The following DOCK5 variants were observed in gnomAD, a reference collection of about 807,000 sequenced individuals.
DOCK5 encodes dedicator of cytokinesis 5, also known as dedicator of cytokinesis protein 5.
In DOCK5, 142 loss-of-function variants were observed where a neutral mutation model predicts 251.8. That is an observed-to-expected ratio of 0.56 (90% confidence interval 0.49 to 0.65). The LOEUF is 0.65. Among genes scored for constraint, DOCK5 ranks in the 30% least tolerant of loss-of-function variants. The pLI, the probability that DOCK5 is intolerant of heterozygous loss-of-function variation, is 0.00. For missense variants in DOCK5, 2,111 were observed against 2,312.3 expected (o/e 0.91, Z 1.79); for synonymous variants, 842 against 835.5 (o/e 1.01, Z -0.13).
intron 1 of DOCK5, among the ~76,000 whole-genome samples, chr8:25,197,839 C>T (rs1801774022): frequency 1.3e-5 from 2 of 151,332 alleles, no homozygotes; most frequent in South Asian, 4.2e-4. Context: ...CAAGCTCAGC[C>T]TCCCTGTTTC....
chr8:25,258,321 C>G (rs745971053), intron 2 of DOCK5, among the ~76,000 whole-genome samples: 1 of 151,970 alleles, frequency 6.6e-6, no homozygotes, highest in Non-Finnish European at 1.5e-5. Context: ...CAGAATAAAC[C>G]TTCTTGGCAT....
chr8:25,365,935 G>T (rs1396877725), intron 30 of DOCK5, among the ~76,000 whole-genome samples: 1 of 152,198 alleles, frequency 6.6e-6, no homozygotes, highest in Non-Finnish European at 1.5e-5. Flanking sequence ...TATATTGTAT[G>T]TATGTGTATG....
intron 43 of DOCK5, among the ~76,000 whole-genome samples, chr8:25,392,402 A>G (rs1801277004): frequency 6.6e-6 from 1 of 152,138 alleles, no homozygotes; most frequent in Admixed American, 6.5e-5. Flanking sequence ...CCCTGGGAAC[A>G]GAGACTTCAC....
intron 38 of DOCK5, among the ~76,000 whole-genome samples, chr8:25,377,980 G>A (rs1464025197): frequency 1.3e-5 from 2 of 151,818 alleles, no homozygotes; most frequent in Non-Finnish European, 2.9e-5. Flanking sequence ...AGAACTCCTG[G>A]GCTCCAGTGA....
chr8:25,322,354 C>T (rs1262060097), intron 16 of DOCK5, among the ~76,000 whole-genome samples: 1 of 152,198 alleles, frequency 6.6e-6, no homozygotes, highest in African/African-American at 2.4e-5. Flanking sequence ...ATGCATATGA[C>T]CTCCTACATC....
chr8:25,276,916 A>G (rs1804054390), intron 4 of DOCK5: 2 of 152,196 alleles, frequency 1.3e-5, no homozygotes, highest in South Asian at 2.1e-4. Context: ...CCCGTGCCTC[A>G]GGGAGGAGAG....
At chr8:25,388,931 T>A (rs1377408787) in intron 40 of DOCK5, 160 bp from the exon 41 acceptor site, 1 of 639,672 alleles carries the variant, frequency 1.6e-6, no homozygotes, top group Non-Finnish European at 2.7e-6. Context: ...TTGTAGGATA[T>A]GATGGTCGCT....
intron 4 of DOCK5, among the ~76,000 whole-genome samples, chr8:25,276,706 A>G (rs1044486316): frequency 1.3e-5 from 2 of 152,112 alleles, no homozygotes; most frequent in Non-Finnish European, 2.9e-5. Flanking sequence ...TTTATTTTGT[A>G]TGAACTTGAT....
intron 5 of DOCK5, among the ~76,000 whole-genome samples, chr8:25,281,801 C>T (rs985629652): frequency 6.7e-6 from 1 of 150,294 alleles, no homozygotes; most frequent in South Asian, 2.1e-4. Flanking sequence ...ATCACTTGAA[C>T]CCGAGAGGCG....
chr8:25,281,006 G>T, intron 5 of DOCK5, among the ~76,000 whole-genome samples: 1 of 150,940 alleles, frequency 6.6e-6, no homozygotes. Context: ...GTATGAGACT[G>T]GAGAGTATGA....
chr8:25,195,495 GC>G (rs1211909468), intron 1 of DOCK5, among the ~76,000 whole-genome samples: 39 of 152,042 alleles, frequency 2.6e-4, no homozygotes, highest in African/African-American at 8.7e-4. Flanking sequence ...TGCCCTCCCG[GC>G]CCTGTGGGAT....
chr8:25,344,934 G>A (rs1464685168), intron 25 of DOCK5, among the ~76,000 whole-genome samples: 1 of 152,102 alleles, frequency 6.6e-6, no homozygotes, highest in Non-Finnish European at 1.5e-5. Flanking sequence ...TGTTACAATA[G>A]CAAAGATCTC....
In DOCK5 at chr8:25,317,121, A is replaced by C. The variant is rs779753262; in HGVS notation, c.1433A>C (p.Lys478Thr). Reference protein sequence around the residue: ...VTMSVHDEEGKLLEKAIHPGA... With the variant: ...VTMSVHDEEGTLLEKAIHPGA... ...ATGTCTGTGCACGATGAGGAGGGCA[A>C]GCTCTTGGAGGTGCGCGGCATGGCC... is the stretch of plus-strand genomic sequence containing the variant. Residue 478 changes from lysine to threonine, a missense_variant, in exon 14 of 52, where the codon AAG (lysine) becomes ACG (threonine). Physicochemically the swap from Lys to Thr is moderately conservative, Grantham distance 78 (BLOSUM62 -1). Coordinates refer to ENST00000276440, the MANE Select transcript of DOCK5 (RefSeq NM_024940.8). 1 of 1,613,802 alleles carries C rather than the reference A, an allele frequency of 6.2e-7. No homozygotes were observed. Among genetic ancestry groups the C allele is most frequent in the Non-Finnish European group, 8.5e-7 (1 of 1,179,778 alleles).
At chr8:25,285,641 C>T (rs1228354111) in intron 5 of DOCK5, among the ~76,000 whole-genome samples, 2 of 152,152 alleles carry the variant, frequency 1.3e-5, no homozygotes, top group East Asian at 1.9e-4. Flanking sequence ...TTCCCATCAT[C>T]GCATATCCAG....
intron 37 of DOCK5, chr8:25,376,445 T>G: frequency 6.0e-6 from 5 of 830,490 alleles, no homozygotes; most frequent in Non-Finnish European, 7.3e-6. Context: ...CGTGGGTCTC[T>G]GTCTGTTCAT....
chr8:25,364,615 T>C lies in DOCK5; in HGVS notation c.3045-11T>C, dbSNP rs776668976. On this transcript the variant is annotated splice_polypyrimidine_tract_variant and intron_variant, in intron 29 of 51. Transcript: ENST00000276440. ...CAGTTGGCTTCTTTATCTGGTGTTTTCCTTCCGCAGGGTTTTTCTCCGTGC... is the reference window on the plus strand; with the variant it reads ...CAGTTGGCTTCTTTATCTGGTGTTTCCCTTCCGCAGGGTTTTTCTCCGTGC... 1 of 1,588,194 alleles carries C rather than the reference T, an allele frequency of 6.3e-7. No individual in the cohort carries two copies. Among genetic ancestry groups the C allele is most frequent in the East Asian group, 2.3e-5 (1 of 44,390 alleles).
intron 1 of DOCK5, among the ~76,000 whole-genome samples, chr8:25,239,839 A>G (rs1248863976): frequency 1.3e-5 from 2 of 152,188 alleles, no homozygotes. Context: ...ATAAATTCCA[A>G]CATACTTTGT....
intron 26 of DOCK5, among the ~76,000 whole-genome samples, chr8:25,346,336 C>G (rs995213052): frequency 1.3e-5 from 2 of 152,006 alleles, no homozygotes; most frequent in African/African-American, 4.8e-5. Context: ...AATAAAGAAT[C>G]AAAGGCCTTT....
chr8:25,346,211 C>T (rs974158958), intron 26 of DOCK5, among the ~76,000 whole-genome samples: 6 of 152,010 alleles, frequency 3.9e-5, no homozygotes, highest in Non-Finnish European at 5.9e-5. Flanking sequence ...CCTGTAATCC[C>T]AGCACTTTGG....
Sources: allele counts gnomAD v4.1 joint callset (sites outside exome capture counted in the v4.1 genomes callset), GRCh38; gene constraint gnomAD v4.1.1; transcripts MANE v1.5; gene names NCBI Gene and HGNC (gene_info 2026-07-23, HGNC 2026-07-21).